The following HTR2C variants were observed in gnomAD, a reference collection of about 807,000 sequenced individuals.
HTR2C encodes the protein 5-hydroxytryptamine receptor 2C, also known as 5-hydroxytryptamine (serotonin) receptor 2C, G protein-coupled.
Under a neutral mutation model 21.0 loss-of-function variants are expected in HTR2C, and 5 were observed. That is an observed-to-expected ratio of 0.24 (90% CI 0.12 to 0.50). The LOEUF (loss-of-function observed/expected upper bound fraction) is 0.50. Ranked by LOEUF, HTR2C falls within the 20% of genes least tolerant of loss-of-function variation. The probability of loss-of-function intolerance (pLI) is 0.98; values close to 1 mark genes in which losing one functional copy is unlikely to be tolerated. For synonymous variants in HTR2C, 150 were observed against 145.3 expected, an observed-to-expected ratio of 1.03 and a Z score of -0.23; for missense variants, 271 against 371.2, an observed-to-expected ratio of 0.73 and a Z score of 2.22.
At chrX:114,654,413 C>T (rs1458186357) in intron 2 of HTR2C, among the ~76,000 whole-genome samples, 3 of 108,888 alleles carry the variant, frequency 2.8e-5, no homozygotes, top group South Asian at 3.8e-4. Context: ...TTTCTAAAAA[C>T]AAATTCAAAT....
At position 114,743,224 on chromosome X, in the gene HTR2C, T is replaced by G. The variant is rs782450444; in HGVS notation, c.349+11617T>G. On this transcript the variant is annotated intron_variant, in intron 4 of 5. Coordinates refer to ENST00000276198, the MANE Select transcript of HTR2C (RefSeq NM_000868.4). ...TGTGTCTTTATAGCAGCATGATTTATAGTCCTTTGGGTATATACCCAGTAA... is the reference window on the plus strand; with the variant it reads ...TGTGTCTTTATAGCAGCATGATTTAGAGTCCTTTGGGTATATACCCAGTAA... Among the ~76,000 whole-genome samples the G allele has an allele frequency of 4.3e-3, 436 of 101,806 alleles. 4 individuals carry two copies. The highest frequency in any genetic ancestry group is 0.015 in the African/African-American group (413 of 27,829). 88.4% of individuals were successfully genotyped at this position (101,806 alleles called of 115,157 possible).
At chrX:114,734,774 G>A (rs2069574390) in intron 4 of HTR2C, among the ~76,000 whole-genome samples, 2 of 109,811 alleles carry the variant, frequency 1.8e-5, no homozygotes, top group South Asian at 3.8e-4. Flanking sequence ...CTTGATTGTG[G>A]TGATGGTTAT....
At chrX:114,708,676 T>C (rs1969237427) in intron 2 of HTR2C, among the ~76,000 whole-genome samples, 1 of 110,750 alleles carries the variant, frequency 9.0e-6, no homozygotes, top group African/African-American at 3.3e-5. Context: ...GAATAGTGAT[T>C]CATGCCTTTA....
At chrX:114,719,022 A>C (rs972713613) in intron 2 of HTR2C, among the ~76,000 whole-genome samples, 1 of 103,469 alleles carries the variant, frequency 9.7e-6, no homozygotes, top group African/African-American at 3.4e-5. Context: ...TAAAATAAAT[A>C]AATAAAATAA....
At chrX:114,818,209 T>C (rs993034853) in intron 4 of HTR2C, among the ~76,000 whole-genome samples, 1 of 111,747 alleles carries the variant, frequency 8.9e-6, no homozygotes, top group Non-Finnish European at 1.9e-5. Flanking sequence ...AAGAGCTTTG[T>C]GAAAAGTGAG....
chrX:114,895,386 T>C (rs1340423477), intron 5 of HTR2C, among the ~76,000 whole-genome samples: 1 of 111,730 alleles, frequency 9.0e-6, no homozygotes, highest in East Asian at 2.8e-4. Context: ...GTAGGTTATG[T>C]AGTGATGTAC....
At position 114,807,311 on chromosome X, in the gene HTR2C, A is replaced by ATG. The variant is rs1556450696; in HGVS notation, c.350-40691_350-40690insGT. 9.5e-4 allele frequency among the ~76,000 whole-genome samples: 56 copies of ATG among 59,025 alleles called. 13 individuals are homozygous for ATG. The highest frequency in any genetic ancestry group is 3.8e-3 in the African/African-American group (53 of 14,111). 51.3% of individuals were successfully genotyped at this position (59,025 alleles called of 115,157 possible). Reference sequence around the variant, plus strand: ...CATATATATACCATGTATATACACCATATATCTATACCATATATATACACC... The same window carrying ATG: ...CATATATATACCATGTATATACACCATGTATATCTATACCATATATATACACC... On this transcript the variant is annotated intron_variant, in intron 4 of 5. Transcript: ENST00000276198.
At chrX:114,793,966 G>A (rs2070261983) in intron 4 of HTR2C, among the ~76,000 whole-genome samples, 1 of 110,682 alleles carries the variant, frequency 9.0e-6, no homozygotes, top group Admixed American at 9.7e-5. Flanking sequence ...TGAGAATAGC[G>A]AGTATCAGAG....
intron 1 of HTR2C, among the ~76,000 whole-genome samples, chrX:114,585,911 A>AT (rs1556389495): frequency 9.3e-6 from 1 of 107,753 alleles, no homozygotes; most frequent in East Asian, 3.0e-4. Context: ...AGCTAAGATG[A>AT]TTTGGGGGGC....
chrX:114,621,373 T>C (rs1929156744), intron 2 of HTR2C, among the ~76,000 whole-genome samples: 1 of 112,458 alleles, frequency 8.9e-6, no homozygotes. Context: ...AGACAACATA[T>C]GAATGAGTGA....
intron 5 of HTR2C, among the ~76,000 whole-genome samples, chrX:114,870,571 C>T (rs959697732): frequency 5.4e-5 from 6 of 110,533 alleles, no homozygotes; most frequent in Non-Finnish European, 1.1e-4. Flanking sequence ...TACTGGGAGA[C>T]TTTTTTTTAT....
At chrX:114,741,083 A>G (rs1298675099) in intron 4 of HTR2C, among the ~76,000 whole-genome samples, 1 of 111,589 alleles carries the variant, frequency 9.0e-6, no homozygotes, top group Non-Finnish European at 1.9e-5. Context: ...CATAATATTT[A>G]TATGTATACT....
intron 4 of HTR2C, among the ~76,000 whole-genome samples, chrX:114,735,029 G>T (rs189994209): frequency 1.2e-3 from 136 of 111,668 alleles, no homozygotes; most frequent in African/African-American, 4.3e-3. Context: ...TGGAGGTCAG[G>T]TGTGGTGGCT....
chrX:114,644,945 C>CA (rs1455763888), intron 2 of HTR2C, among the ~76,000 whole-genome samples: 1 of 110,205 alleles, frequency 9.1e-6, no homozygotes, highest in African/African-American at 3.3e-5. Flanking sequence ...AATGAGGGCT[C>CA]AAAAAATCAC....
At chrX:114,725,166 A>G (rs1276132941) in intron 2 of HTR2C, among the ~76,000 whole-genome samples, 1 of 111,169 alleles carries the variant, frequency 9.0e-6, no homozygotes, top group Non-Finnish European at 1.9e-5. Flanking sequence ...TCAGAGGTAG[A>G]TTTGGTCTTT....
In HTR2C at chrX:114,792,638, G is replaced by A. The variant is rs2070245712; in HGVS notation, c.350-55365G>A. On this transcript the variant is annotated intron_variant, in intron 4 of 5. Coordinates refer to ENST00000276198, the MANE Select transcript of HTR2C (RefSeq NM_000868.4). ...TATATTCCCTTGGGTATACCCAGTA[G>A]TGGAATTGCTGGGTCAAATGGTATT... is the stretch of plus-strand genomic sequence containing the variant. 6.3e-5 allele frequency among the ~76,000 whole-genome samples: 7 copies of A among 111,679 alleles called. No individual in the cohort carries two copies. In the South Asian group the frequency reaches 2.3e-3, roughly 36 times the overall value.
intron 2 of HTR2C, among the ~76,000 whole-genome samples, chrX:114,694,558 G>A (rs782075169): frequency 1.1e-5 from 1 of 92,769 alleles, no homozygotes; most frequent in Non-Finnish European, 2.2e-5. Flanking sequence ...GTACAATCTC[G>A]GCTTACTGCA....
At chrX:114,785,785 G>A (rs1370361256) in intron 4 of HTR2C, among the ~76,000 whole-genome samples, 1 of 111,962 alleles carries the variant, frequency 8.9e-6, no homozygotes, top group African/African-American at 3.2e-5. Context: ...TTAAAATACA[G>A]AACTTTGGTT....
chrX:114,616,006 G>A (rs1928933304), intron 2 of HTR2C, among the ~76,000 whole-genome samples: 1 of 111,885 alleles, frequency 8.9e-6, no homozygotes, highest in Non-Finnish European at 1.9e-5. Context: ...AGGTATGTAA[G>A]GCCTTTGCCT....
Sources: allele counts gnomAD v4.1 joint callset (sites outside exome capture counted in the v4.1 genomes callset), GRCh38; gene constraint gnomAD v4.1.1; transcripts MANE v1.5; gene names NCBI Gene and HGNC (gene_info 2026-07-23, HGNC 2026-07-21).